The following UBN2 variants were observed in gnomAD, a reference collection of about 807,000 sequenced individuals.
The protein encoded by UBN2 is ubinuclein-2.
UBN2 carries 35 observed loss-of-function variants against 120.2 expected under a neutral mutation model. That is an observed-to-expected ratio of 0.29 (90% CI 0.22 to 0.39). The LOEUF is 0.39. Ranked by LOEUF, UBN2 falls within the 10% of genes least tolerant of loss-of-function variation. UBN2 has a pLI of 1.00. For missense variants in UBN2, 1,693 were observed against 1,663.2 expected, an observed-to-expected ratio of 1.02 and a Z score of -0.31; for synonymous variants, 661 against 648.7, an observed-to-expected ratio of 1.02 and a Z score of -0.29.
At chr7:139,235,809 C>T (rs1796149562) in intron 1 of UBN2, among the ~76,000 whole-genome samples, 1 of 152,134 alleles carries the variant, frequency 6.6e-6, no homozygotes, top group Non-Finnish European at 1.5e-5. Context: ...AAAGAAGTAT[C>T]CCTTTATTCT....
intron 15 of UBN2, among the ~76,000 whole-genome samples, chr7:139,289,854 G>T (rs1797899532): frequency 6.6e-6 from 1 of 151,914 alleles, no homozygotes; most frequent in Non-Finnish European, 1.5e-5. Context: ...ATCATCCCAA[G>T]ACTGCAGTAG....
downstream of UBN2, among the ~76,000 whole-genome samples, chr7:139,313,187 A>AATTTGATTTT (rs1404991625): frequency 9.9e-5 from 15 of 152,214 alleles, no homozygotes; most frequent in Admixed American, 9.2e-4. Context: ...AATATTGATT[A>AATTTGATTTT]GGATTGAATT....
chr7:139,328,241 G>T, the UBN2 span, among the ~76,000 whole-genome samples: 1 of 152,198 alleles, frequency 6.6e-6, no homozygotes, highest in African/African-American at 2.4e-5. Context: ...ATGATGGAAG[G>T]TGAAGAAGAA....
At chr7:139,259,121 C>T in intron 4 of UBN2, 146 bp from the exon 5 acceptor site, 1 of 1,263,048 alleles carries the variant, frequency 7.9e-7, no homozygotes, top group Non-Finnish European at 1.1e-6. Flanking sequence ...TGAGAGTGCT[C>T]TTGAACCCCA....
At chr7:139,323,555 GATTATTATTATTATTATT>G in the UBN2 span, among the ~76,000 whole-genome samples, 27 of 141,608 alleles carry the variant, frequency 1.9e-4, no homozygotes, top group African/African-American at 3.9e-4. Context: ...TTCTGGACCT[GATTATTATTATTATTATT>G]ATTATTATTA....
intron 17 of UBN2, among the ~76,000 whole-genome samples, chr7:139,297,505 A>G (rs1465257802): frequency 6.6e-6 from 1 of 152,176 alleles, no homozygotes; most frequent in Non-Finnish European, 1.5e-5. Context: ...ATTTGACACA[A>G]TTGGCTGGGA....
downstream of UBN2, among the ~76,000 whole-genome samples, chr7:139,308,840 G>A (rs1210930025): frequency 6.6e-6 from 1 of 152,192 alleles, no homozygotes; most frequent in Admixed American, 6.5e-5. Context: ...GGGAGGCAGA[G>A]GCGGGCGGAT....
At chr7:139,315,136 C>T in the UBN2 span, among the ~76,000 whole-genome samples, 8 of 151,918 alleles carry the variant, frequency 5.3e-5, no homozygotes, top group East Asian at 3.9e-4. Context: ...CCACCACGCC[C>T]GGCTAATTTT....
Position 139,259,277 on chromosome 7 carries a change from TAAA to T in UBN2, c.814_816del (p.Lys272del). Reference sequence around the variant, plus strand: ...TTTATCATTTTGCAGGTCCCCAAAATAAAAGAAGATGATATTGAGATGAAGAAG... The same window carrying T: ...TTTATCATTTTGCAGGTCCCCAAAATAGAAGATGATATTGAGATGAAGAAG... On this transcript the variant is annotated inframe_deletion, in exon 5 of 18. Transcript: ENST00000473989. The T allele has an allele frequency of 6.2e-7, 1 of 1,612,100 alleles. No individual in the cohort carries two copies. The highest frequency in any genetic ancestry group is 8.5e-7 in the Non-Finnish European group (1 of 1,179,372).
At chr7:139,237,566 T>C (rs950840520) in intron 2 of UBN2, among the ~76,000 whole-genome samples, 1 of 152,192 alleles carries the variant, frequency 6.6e-6, no homozygotes, top group African/African-American at 2.4e-5. Context: ...TCATTTATTA[T>C]AGTCTTTCTA....
chr7:139,267,550 G>A (rs376272259), intron 7 of UBN2, among the ~76,000 whole-genome samples: 1,696 of 149,752 alleles, frequency 0.011, 32 homozygotes, highest in African/African-American at 0.04. Flanking sequence ...AAAAAAAAAA[G>A]AGAGAAAGAG....
intron 15 of UBN2, 76 bp downstream of exon 15, chr7:139,284,650 A>C: frequency 7.7e-7 from 1 of 1,302,966 alleles, no homozygotes; most frequent in Non-Finnish European, 1.0e-6. Context: ...TAACTTTAAT[A>C]AGCTTTTTAT....
chr7:139,287,269 A>G (rs1797817290), intron 15 of UBN2, among the ~76,000 whole-genome samples: 1 of 152,166 alleles, frequency 6.6e-6, no homozygotes, highest in African/African-American at 2.4e-5. Flanking sequence ...AACTACTTTT[A>G]ACTCTCTCAG....
At chr7:139,281,705 C>T (rs1563221602) in intron 13 of UBN2, among the ~76,000 whole-genome samples, 3 of 152,144 alleles carry the variant, frequency 2.0e-5, no homozygotes, top group South Asian at 4.1e-4. Context: ...TATTTTAAAA[C>T]AGCAGTTTTA....
At chr7:139,268,055 T>C (rs1020172524) in intron 7 of UBN2, among the ~76,000 whole-genome samples, 4 of 152,228 alleles carry the variant, frequency 2.6e-5, no homozygotes, top group Non-Finnish European at 5.9e-5. Flanking sequence ...GCTGTTCTTT[T>C]TTATTTTGCT....
intron 1 of UBN2, among the ~76,000 whole-genome samples, chr7:139,234,497 C>T (rs1413215701): frequency 6.6e-6 from 1 of 152,020 alleles, no homozygotes; most frequent in African/African-American, 2.4e-5. Flanking sequence ...AAAACAAAAC[C>T]ACAGGTTAGC....
chr7:139,272,419 G>A lies in UBN2; in HGVS notation c.1694G>A (p.Arg565His), dbSNP rs201200509. Residue 565 changes from arginine (R) to histidine (H), a missense_variant, in exon 9 of 18, where the codon CGT (arginine) becomes CAT (histidine). Arg to His is a conservative substitution (Grantham distance 29). Around this residue, in one of 5 missense-constraint regions of UBN2, gnomAD observed 178 missense variants for 204.0 expected, o/e 0.87. Transcript: ENST00000473989. ...AAATACCAGGAGGACTGCCAGGCTC[G>A]TAGTCAAGCTAAGTGTGCCAAGTAT... ...LFKYQEDCQA[R>H]SQAKCAKLQT... 2.3e-4 allele frequency: 377 copies of A among 1,613,044 alleles called. No homozygotes were observed. The highest frequency in any genetic ancestry group is 2.3e-3 in the Middle Eastern group (14 of 6,058).
Position 139,231,881 on chromosome 7 carries a change from C to G in UBN2, c.397C>G (p.Leu133Val). 2 of 1,581,548 alleles carry G rather than the reference C, an allele frequency of 1.3e-6. No individual in the cohort carries two copies. The highest frequency in any genetic ancestry group is 1.7e-6 in the Non-Finnish European group (2 of 1,169,732). Residue 133 changes from leucine to valine, a missense_variant, in exon 1 of 18, where the codon CTT (leucine) becomes GTT (valine). Physicochemically the swap from Leu to Val is conservative, Grantham distance 32 (BLOSUM62 1). Coordinates refer to ENST00000473989, the MANE Select transcript of UBN2 (RefSeq NM_173569.4). ...GGAGACGGTGCGCCTGGAGCTGGTG[C>G]TTAAGGACCCCACCGACGAGAGCTG... ...PRETVRLELV[L>V]KDPTDESCVE...
At chr7:139,263,134 A>T (rs765477538) in intron 6 of UBN2, among the ~76,000 whole-genome samples, 4 of 152,228 alleles carry the variant, frequency 2.6e-5, no homozygotes, top group African/African-American at 9.6e-5. Context: ...TTACCTTGCA[A>T]ATCACAGCAA....
Sources: gnomAD v4.1 joint callset for allele counts (sites outside exome capture counted in the v4.1 genomes callset) on GRCh38, gnomAD v4.1.1 for gene constraint, gnomAD v4.1.1 regional missense constraint, MANE v1.5 for transcripts, NCBI Gene and HGNC (gene_info 2026-07-23, HGNC 2026-07-21) for gene names.